PLA2G4D: variants seen among roughly 807,000 people sequenced by gnomAD.
PLA2G4D encodes phospholipase A2 group IVD, also known as cytosolic phospholipase A2 delta.
Under a neutral mutation model 94.4 loss-of-function variants are expected in PLA2G4D, and 80 were observed. That is an observed-to-expected ratio of 0.85 (90% CI 0.71 to 1.02). PLA2G4D has a LOEUF of 1.02. Ranked by LOEUF, PLA2G4D falls within the 50% of genes least tolerant of loss-of-function variation. The probability of loss-of-function intolerance (pLI) is 0.00; values close to 1 mark genes in which losing one functional copy is unlikely to be tolerated. For synonymous variants in PLA2G4D, 438 were observed against 440.9 expected, an observed-to-expected ratio of 0.99 and a Z score of 0.08; for missense variants, 1,050 against 1,034.7, an observed-to-expected ratio of 1.01 and a Z score of -0.20.
Position 42,083,784 on chromosome 15 carries a change from G to A in PLA2G4D, c.472-5C>T. The stretch of plus-strand genomic sequence containing the variant: ...CAGGCATGACAGCTCTCGGGCCTGG[G>A]GAAGACCACATCATGGGCAGGGGCC... On this transcript the variant is annotated splice_polypyrimidine_tract_variant and splice_region_variant and intron_variant, in intron 6 of 19. Coordinates refer to ENST00000290472, the MANE Select transcript of PLA2G4D (RefSeq NM_178034.4). 6.2e-7 allele frequency: 1 copy of A among 1,613,518 alleles called. No individual in the cohort carries two copies. Among genetic ancestry groups the A allele is most frequent in the South Asian group, 1.1e-5 (1 of 91,088 alleles).
At chr15:42,083,970 G>A (rs561551707) in intron 6 of PLA2G4D, 191 bp from the exon 7 acceptor site, 8 of 589,508 alleles carry the variant, frequency 1.4e-5, no homozygotes, top group East Asian at 8.7e-5. Flanking sequence ...CTGATATTCC[G>A]CAGCAGCCAG....
At chr15:42,083,072 A>G in intron 8 of PLA2G4D, 126 bp downstream of exon 8, 1 of 1,307,584 alleles carries the variant, frequency 7.6e-7, no homozygotes. Flanking sequence ...GAGGTGCCTA[A>G]CTAGGGGAGG....
rs1020809054 is a variant in PLA2G4D, at chr15:42,068,371, T to A, written c.*344A>T. ...CTGAAGCCACCTGTCAGGTCAGGCA[T>A]CCCCTGTCCTTCCTGTCCCTACTCC... On this transcript the variant is annotated 3_prime_UTR_variant, in exon 20 of 20. Transcript: ENST00000290472. The A allele has an allele frequency of 3.8e-6, 1 of 262,580 alleles. No individual in the cohort carries two copies. The highest frequency in any genetic ancestry group is 7.4e-6 in the Non-Finnish European group (1 of 135,556). The allele number at this position is 262,580 out of a possible 1,614,324, so 16.3% of individuals were successfully genotyped here.
chr15:42,084,133 A>C lies in PLA2G4D; in HGVS notation c.472-354T>G. ...GAGGTATTCTACCACAACTCCAAATAATCTAAGCAAGCCGCCCATCCATAG... is the reference window on the plus strand; with the variant it reads ...GAGGTATTCTACCACAACTCCAAATCATCTAAGCAAGCCGCCCATCCATAG... On this transcript the variant is annotated intron_variant, in intron 6 of 19. Transcript: ENST00000290472. This position sits in a 1 kb window ranked among gnomAD's most constrained non-coding sequence, Gnocchi z 4.8. The C allele has an allele frequency of 4.0e-6, 1 of 249,590 alleles. No homozygotes were observed. The highest frequency in any genetic ancestry group is 7.8e-6 in the Non-Finnish European group (1 of 127,426). The allele number at this position is 249,590 out of a possible 1,614,324, so 15.5% of individuals were successfully genotyped here. A position where few individuals can be genotyped will look rare whatever the true frequency, so the allele number is the denominator to read the frequency against.
intron 13 of PLA2G4D, among the ~76,000 whole-genome samples, 157 bp downstream of exon 13, chr15:42,079,380 T>C (rs925440123): frequency 5.9e-5 from 9 of 152,262 alleles, no homozygotes; most frequent in African/African-American, 2.2e-4. Context: ...AAGAATCTGC[T>C]AACTCAGAAA....
intron 10 of PLA2G4D, 70 bp downstream of exon 10, chr15:42,081,727 C>T (rs1890042873): frequency 4.3e-6 from 7 of 1,613,286 alleles, no homozygotes; most frequent in Non-Finnish European, 5.9e-6. Context: ...TCAAGGACCA[C>T]CTTTGTCCAT....
At chr15:42,076,386 G>A (rs1889927393) in intron 13 of PLA2G4D, among the ~76,000 whole-genome samples, 1 of 151,996 alleles carries the variant, frequency 6.6e-6, no homozygotes, top group Admixed American at 6.5e-5. Flanking sequence ...TTATAACTTT[G>A]GGGGAGTGAA....
rs1566867706 is a variant in PLA2G4D, at chr15:42,094,424, G to A, written c.36C>T (p.His12=). 25 of 1,614,062 alleles carry A rather than the reference G, an allele frequency of 1.5e-5. No individual in the cohort carries two copies. Among genetic ancestry groups the A allele is most frequent in the African/African-American group, 2.7e-5 (2 of 75,024 alleles). Residue 12 remains histidine, a synonymous_variant, in exon 1 of 20, where the codon CAC becomes CAT. Transcript: ENST00000290472. Reference sequence around the variant, plus strand: ...CTGCAGACACTGTTACCTGGTAAGGGTGGCCAGGTGGTCCCCCAGGTGACA... The same window carrying A: ...CTGCAGACACTGTTACCTGGTAAGGATGGCCAGGTGGTCCCCCAGGTGACA... ...ESLSPGGPPG[H]PYQGEASTCW... is the part of the protein sequence containing the mutation.
At chr15:42,083,863 C>T in intron 6 of PLA2G4D, 84 bp from the exon 7 acceptor site, 6 of 1,336,854 alleles carry the variant, frequency 4.5e-6, no homozygotes, top group South Asian at 2.4e-5. Flanking sequence ...ACCCACTGTC[C>T]CAAATCCACC....
Position 42,086,194 on chromosome 15 carries a change from T to TGGGGGGGCGCC in PLA2G4D, c.387+18_387+19insGGCGCCCCCCC. Reference sequence around the variant, plus strand: ...GGAAGAAGTGGGGCCCACGGGGACTTCCCCACCCACCCACCCACCTGGGGA... The same window carrying TGGGGGGGCGCC: ...GGAAGAAGTGGGGCCCACGGGGACTTGGGGGGGCGCCCCCCACCCACCCACCCACCTGGGGA... On this transcript the variant is annotated intron_variant, in intron 4 of 19. Transcript: ENST00000290472. 2.9e-6 allele frequency: 4 copies of TGGGGGGGCGCC among 1,370,442 alleles called. No individual in the cohort carries two copies. The highest frequency in any genetic ancestry group is 2.9e-6 in the Non-Finnish European group (3 of 1,043,082). 84.9% of individuals were successfully genotyped at this position (1,370,442 alleles called of 1,614,324 possible). A position where few individuals can be genotyped will look rare whatever the true frequency, so the allele number is the denominator to read the frequency against.
chr15:42,094,130 G>T (rs945751096), intron 1 of PLA2G4D, among the ~76,000 whole-genome samples: 1 of 152,088 alleles, frequency 6.6e-6, no homozygotes, highest in African/African-American at 2.4e-5. Context: ...GACACACCCA[G>T]CCACTATGTT....
intron 1 of PLA2G4D, among the ~76,000 whole-genome samples, chr15:42,093,060 T>C (rs1048850778): frequency 6.6e-6 from 1 of 152,086 alleles, no homozygotes; most frequent in African/African-American, 2.4e-5. Flanking sequence ...GGCAGGCACG[T>C]TCCAGAACAG....
chr15:42,082,276 T>G lies in PLA2G4D; in HGVS notation c.783+3A>C. ...CATTTCCCATCCAGTTGAGGCCACTTACATTTGGAGCAGGAACATCCATAG... is the reference window on the plus strand; with the variant it reads ...CATTTCCCATCCAGTTGAGGCCACTGACATTTGGAGCAGGAACATCCATAG... On this transcript the variant is annotated splice_donor_region_variant and intron_variant, in intron 9 of 19. Coordinates refer to ENST00000290472, the MANE Select transcript of PLA2G4D (RefSeq NM_178034.4). 1 of 1,611,872 alleles carries G rather than the reference T, an allele frequency of 6.2e-7. No individual in the cohort carries two copies. Among genetic ancestry groups the G allele is most frequent in the African/African-American group, 1.3e-5 (1 of 74,980 alleles).
intron 7 of PLA2G4D, 139 bp downstream of exon 7, chr15:42,083,577 G>A (rs1438091508): frequency 2.6e-6 from 3 of 1,140,304 alleles, no homozygotes; most frequent in Non-Finnish European, 3.8e-6. Context: ...GAGATGCGTG[G>A]CCCTCTGTGC....
At position 42,069,935 on chromosome 15, in the gene PLA2G4D, G is replaced by C; in HGVS notation, c.2204C>G (p.Ala735Gly). 6.9e-7 allele frequency: 1 copy of C among 1,443,842 alleles called. No individual in the cohort carries two copies. The allele number at this position is 1,443,842 out of a possible 1,614,324, so 89.4% of individuals were successfully genotyped here. Residue 735 changes from alanine (A) to glycine (G), a missense_variant, in exon 19 of 20, where the codon GCC becomes GGC. Ala to Gly is a moderately conservative substitution (Grantham distance 60). Transcript: ENST00000290472. ...GGGGGCTGAGTGGTCCTTGAAGGAG[G>C]CATTGACCAGCGGGAAGTGCAGCAG... ...PILLHFPLVN[A>G]SFKDHSAPGV...
intron 12 of PLA2G4D, among the ~76,000 whole-genome samples, chr15:42,080,470 A>G (rs894802260): frequency 8.5e-5 from 13 of 152,234 alleles, no homozygotes; most frequent in African/African-American, 2.9e-4. Flanking sequence ...CTCGACCTCA[A>G]TGTCTACACA....
In PLA2G4D at chr15:42,084,066, C is replaced by G. The variant is rs938502640; in HGVS notation, c.472-287G>C. 11 of 418,666 alleles carry G rather than the reference C, an allele frequency of 2.6e-5. No individual in the cohort carries two copies. Among genetic ancestry groups the G allele is most frequent in the Admixed American group, 7.5e-5 (2 of 26,662 alleles). 25.9% of individuals were successfully genotyped at this position (418,666 alleles called of 1,614,324 possible). A position where few individuals can be genotyped will look rare whatever the true frequency, so the allele number is the denominator to read the frequency against. ...TCCTAGAGCGCCCAGCCCTCAGACA[C>G]AGCTGTTTCTTCTCTTGTTTCCCTG... On this transcript the variant is annotated intron_variant, in intron 6 of 19. Transcript: ENST00000290472. This position sits in a 1 kb window ranked among gnomAD's most constrained non-coding sequence, Gnocchi z 4.8.
At chr15:42,074,813 T>C (rs1267643845) in intron 13 of PLA2G4D, among the ~76,000 whole-genome samples, 1 of 152,220 alleles carries the variant, frequency 6.6e-6, no homozygotes, top group Non-Finnish European at 1.5e-5. Context: ...GAAGAAAACA[T>C]TATTTTGTAA....
At chr15:42,092,323 G>A (rs74554336) in intron 1 of PLA2G4D, among the ~76,000 whole-genome samples, 11,251 of 152,084 alleles carry the variant, frequency 0.074, 545 homozygotes, top group Middle Eastern at 0.14. Context: ...CACAACCCCC[G>A]TCTATTCTAC....
Sources: gnomAD v4.1 joint callset for allele counts (sites outside exome capture counted in the v4.1 genomes callset) on GRCh38, gnomAD v4.1.1 for gene constraint, Gnocchi (gnomAD v3.1) non-coding constraint, MANE v1.5 for transcripts, NCBI Gene and HGNC (gene_info 2026-07-23, HGNC 2026-07-21) for gene names.